ST7L: variants seen among roughly 807,000 people sequenced by gnomAD.
The protein encoded by ST7L is suppression of tumorigenicity 7 like.
ST7L carries 57 observed loss-of-function variants against 72.5 expected under a neutral mutation model. The observed-to-expected ratio is 0.79, with a 90% confidence interval of 0.64 to 0.98. The LOEUF (loss-of-function observed/expected upper bound fraction) is 0.98, where lower values mean the gene tolerates loss of function less well. ST7L is among the 50% of genes least tolerant of loss of function. ST7L has a pLI of 0.00. For synonymous variants in ST7L, 221 were observed against 240.9 expected, an observed-to-expected ratio of 0.92 and a Z score of 0.77; for missense variants, 576 against 672.2, an observed-to-expected ratio of 0.86 and a Z score of 1.58.
At chr1:112,575,731 G>A (rs1442340406) in intron 11 of ST7L, among the ~76,000 whole-genome samples, 1 of 152,202 alleles carries the variant, frequency 6.6e-6, no homozygotes, top group African/African-American at 2.4e-5. Context: ...AATATTTTCA[G>A]ACAGAGGCTG....
At chr1:112,575,150 A>T (rs765315182) in intron 11 of ST7L, among the ~76,000 whole-genome samples, 6 of 152,166 alleles carry the variant, frequency 3.9e-5, no homozygotes, top group Non-Finnish European at 8.8e-5. Flanking sequence ...GAGGCAGAAG[A>T]ATCGCTTGAA....
chr1:112,582,181 T>A, intron 8 of ST7L, 75 bp from the exon 9 acceptor site: 2 of 1,168,382 alleles, frequency 1.7e-6, no homozygotes, highest in Non-Finnish European at 2.5e-6. Flanking sequence ...ATTCATTAAG[T>A]AGAAATTCTT....
intron 3 of ST7L, 64 bp downstream of exon 3, chr1:112,610,777 A>G (rs1447971651): frequency 4.5e-6 from 7 of 1,564,482 alleles, no homozygotes; most frequent in Non-Finnish European, 5.2e-6. Context: ...TGAGTTTTCT[A>G]TCTCCCAGAG....
At position 112,525,324 on chromosome 1, in the gene ST7L, G is replaced by A. The variant is rs974105517; in HGVS notation, c.*689C>T. 1.3e-5 allele frequency: 2 copies of A among 152,254 alleles called. No homozygotes were observed. The highest frequency in any genetic ancestry group is 4.8e-5 in the African/African-American group (2 of 41,442). The allele number at this position is 152,254 out of a possible 1,614,324, so 9.4% of individuals were successfully genotyped here. On this transcript the variant is annotated 3_prime_UTR_variant, in exon 15 of 15. Coordinates refer to ENST00000358039, the MANE Select transcript of ST7L (RefSeq NM_017744.5). ...GCTTTATTAGGGTAAATATATCACA[G>A]TTGCTACAGTGAATTGAGCTTTCTC...
intron 11 of ST7L, among the ~76,000 whole-genome samples, chr1:112,573,562 A>C (rs1662530207): frequency 6.6e-6 from 1 of 152,154 alleles, no homozygotes. Context: ...TTGAATTTGT[A>C]ATTAAACTAT....
intron 14 of ST7L, among the ~76,000 whole-genome samples, chr1:112,533,388 G>C (rs1654701821): frequency 6.6e-6 from 1 of 151,724 alleles, no homozygotes; most frequent in South Asian, 2.1e-4. Context: ...GCGTGATCCT[G>C]GCTCACGGCA....
chr1:112,590,245 C>T (rs1180039470), intron 6 of ST7L, among the ~76,000 whole-genome samples: 6 of 152,184 alleles, frequency 3.9e-5, no homozygotes, highest in African/African-American at 1.4e-4. Context: ...TCCTCTGGTA[C>T]TAGAAACCTA....
At chr1:112,577,466 G>A (rs563722902) in intron 10 of ST7L, among the ~76,000 whole-genome samples, 1 of 142,968 alleles carries the variant, frequency 7.0e-6, no homozygotes, top group East Asian at 2.3e-4. Flanking sequence ...GGAGGCAGAG[G>A]TTGCAGTGAG....
At chr1:112,581,566 T>A (rs908495785) in intron 9 of ST7L, among the ~76,000 whole-genome samples, 3 of 152,084 alleles carry the variant, frequency 2.0e-5, no homozygotes, top group African/African-American at 4.8e-5. Context: ...ACCCAGCTAA[T>A]TTTTTTAAAA....
At position 112,616,827 on chromosome 1, in the gene ST7L, A is replaced by G. The variant is rs1246831137; in HGVS notation, c.274T>C (p.Ser92Pro). 4.4e-6 allele frequency: 7 copies of G among 1,601,540 alleles called. No homozygotes were observed. The highest frequency in any genetic ancestry group is 1.3e-5 in the African/African-American group (1 of 74,236). The change falls in exon 2 of 15, where the codon TCA (serine) becomes CCA (proline). Residue 92 changes from serine to proline, a missense_variant. Coordinates refer to ENST00000358039, the MANE Select transcript of ST7L (RefSeq NM_017744.5). The stretch of plus-strand genomic sequence containing the variant: ...AAACTACTTACAAATATTAGTCCTG[A>G]TATCAATGAAGAGGTCCCTGTAAGT... ...VALTGTSSLI[S>P]GLIFIFEWWY...
chr1:112,526,183 G>A, intron 14 of ST7L, 72 bp from the exon 15 acceptor site: 2 of 1,598,814 alleles, frequency 1.3e-6, no homozygotes, highest in East Asian at 2.2e-5. Flanking sequence ...GAGTATATCT[G>A]AGCACAGTTT....
At chr1:112,584,193 C>T (rs1664533948) in intron 6 of ST7L, 67 bp from the exon 7 acceptor site, 27 of 1,493,852 alleles carry the variant, frequency 1.8e-5, no homozygotes, top group Non-Finnish European at 2.4e-5. Context: ...TTGGTTATGT[C>T]CCTTTGCTCT....
chr1:112,585,401 T>A (rs1664717586), intron 6 of ST7L, among the ~76,000 whole-genome samples: 1 of 152,198 alleles, frequency 6.6e-6, no homozygotes, highest in Admixed American at 6.5e-5. Context: ...GAATGTAAAG[T>A]TCTTCATTAA....
intron 6 of ST7L, among the ~76,000 whole-genome samples, chr1:112,585,634 G>A (rs1201400863): frequency 1.3e-5 from 2 of 151,516 alleles, no homozygotes; most frequent in African/African-American, 4.9e-5. Flanking sequence ...TTGAGAGGCT[G>A]AGGCAGGAGA....
intron 11 of ST7L, among the ~76,000 whole-genome samples, chr1:112,567,439 G>A (rs1427603465): frequency 6.6e-6 from 1 of 152,010 alleles, no homozygotes; most frequent in African/African-American, 2.4e-5. Context: ...ACACTAACAT[G>A]AGCAGACTTT....
intron 11 of ST7L, among the ~76,000 whole-genome samples, chr1:112,569,378 A>G (rs767120863): frequency 2.0e-5 from 3 of 152,226 alleles, no homozygotes; most frequent in Non-Finnish European, 4.4e-5. Context: ...ATTCAGCCAT[A>G]AAATGAAGGA....
At chr1:112,595,103 C>T (rs1480575662) in intron 5 of ST7L, among the ~76,000 whole-genome samples, 2 of 151,964 alleles carry the variant, frequency 1.3e-5, no homozygotes, top group Non-Finnish European at 1.5e-5. Context: ...TGGTCGCTCA[C>T]GCCTGTAATC....
At chr1:112,584,152 T>C in intron 6 of ST7L, 26 bp from the exon 7 acceptor site, 2 of 1,603,578 alleles carry the variant, frequency 1.2e-6, no homozygotes, top group Non-Finnish European at 1.7e-6. Context: ...GAAGGCAATT[T>C]TAAATAAAAT....
Position 112,546,316 on chromosome 1 carries a change from C to CA in ST7L, c.1490-4227dup, listed in dbSNP as rs57742086. Among the ~76,000 whole-genome samples the CA allele has an allele frequency of 7.7e-3, 704 of 91,206 alleles. 3 individuals are homozygous for CA. The highest frequency in any genetic ancestry group is 0.049 in the East Asian group (172 of 3,492). 59.8% of individuals were successfully genotyped at this position (91,206 alleles called of 152,430 possible). On this transcript the variant is annotated intron_variant, in intron 13 of 14. Coordinates refer to ENST00000358039, the MANE Select transcript of ST7L (RefSeq NM_017744.5). ...CCTGAGTGACAGTGAAATCCTAACTCAAAAAAAAAAAAAAAAAAAAGAGAG... is the reference window on the plus strand; with the variant it reads ...CCTGAGTGACAGTGAAATCCTAACTCAAAAAAAAAAAAAAAAAAAAAGAGAG...
Sources: allele counts gnomAD v4.1 joint callset (sites outside exome capture counted in the v4.1 genomes callset), GRCh38; gene constraint gnomAD v4.1.1; transcripts MANE v1.5; gene names NCBI Gene and HGNC (gene_info 2026-07-23, HGNC 2026-07-21).